The following CORIN variants were observed in gnomAD, a reference collection of about 807,000 sequenced individuals.
CORIN encodes atrial natriuretic peptide-converting enzyme.
In CORIN, 117 loss-of-function variants were observed where a neutral mutation model predicts 125.3. That is an observed-to-expected ratio of 0.93 (90% CI 0.80 to 1.09). The LOEUF (loss-of-function observed/expected upper bound fraction) is 1.09, where lower values mean the gene tolerates loss of function less well. Among genes scored for constraint, CORIN ranks in the 50% least tolerant of loss-of-function variants. The pLI, the probability that CORIN is intolerant of heterozygous loss-of-function variation, is 0.00. For synonymous variants in CORIN, 450 were observed against 466.4 expected (o/e 0.96, Z 0.45); for missense variants, 1,253 against 1,306.7 (o/e 0.96, Z 0.63).
intron 5 of CORIN, among the ~76,000 whole-genome samples, chr4:47,734,180 A>C (rs1220036188): frequency 3.9e-5 from 6 of 152,208 alleles, no homozygotes; most frequent in Non-Finnish European, 7.3e-5. Context: ...AATACCTTGG[A>C]GATTTACTCT....
intron 16 of CORIN, among the ~76,000 whole-genome samples, chr4:47,630,609 T>G (rs1355940995): frequency 1.3e-5 from 2 of 152,076 alleles, no homozygotes; most frequent in Non-Finnish European, 1.5e-5. Flanking sequence ...AGGGCAAGAG[T>G]ACCAGTGGAG....
intron 2 of CORIN, among the ~76,000 whole-genome samples, chr4:47,790,457 C>CT (rs991609595): frequency 5.3e-5 from 8 of 151,862 alleles, no homozygotes; most frequent in African/African-American, 7.3e-5. Flanking sequence ...CCCTGTTTCC[C>CT]TTTTTTTTCC....
chr4:47,823,193 C>A (rs888870668), intron 1 of CORIN, among the ~76,000 whole-genome samples: 2 of 152,210 alleles, frequency 1.3e-5, no homozygotes, highest in African/African-American at 4.8e-5. Context: ...TTGTTACTAT[C>A]ATAATTTACT....
At chr4:47,666,814 C>A (rs1724505567) in intron 10 of CORIN, among the ~76,000 whole-genome samples, 1 of 152,216 alleles carries the variant, frequency 6.6e-6, no homozygotes, top group Non-Finnish European at 1.5e-5. Context: ...GCCTTCAGAA[C>A]TGTGAGAAAT....
chr4:47,594,527 T>C lies in CORIN; in HGVS notation c.*1194A>G. On this transcript the variant is annotated 3_prime_UTR_variant, in exon 22 of 22. Transcript: ENST00000273857. ...TAAAGTGGCCTAGAGCTAAAAATCATTTCTAAAATTTTAATTACCAATGAG... is the reference window on the plus strand; with the variant it reads ...TAAAGTGGCCTAGAGCTAAAAATCACTTCTAAAATTTTAATTACCAATGAG... 6.6e-6 allele frequency: 1 copy of C among 152,486 alleles called. No individual in the cohort carries two copies. Among genetic ancestry groups the C allele is most frequent in the East Asian group, 1.9e-4 (1 of 5,198 alleles). 9.4% of individuals were successfully genotyped at this position (152,486 alleles called of 1,614,324 possible). A position where few individuals can be genotyped will look rare whatever the true frequency, so the allele number is the denominator to read the frequency against.
intron 5 of CORIN, among the ~76,000 whole-genome samples, chr4:47,695,255 G>C (rs1725937220): frequency 6.6e-6 from 1 of 152,160 alleles, no homozygotes; most frequent in African/African-American, 2.4e-5. Context: ...TTTTAAAGGA[G>C]GGTTTATCTT....
At chr4:47,695,376 G>A (rs926056081) in intron 5 of CORIN, among the ~76,000 whole-genome samples, 3 of 152,164 alleles carry the variant, frequency 2.0e-5, no homozygotes, top group African/African-American at 7.2e-5. Context: ...CTATGGCTCC[G>A]ATGATTCCTC....
At chr4:47,627,604 T>G (rs1371014820) in intron 16 of CORIN, among the ~76,000 whole-genome samples, 1 of 152,184 alleles carries the variant, frequency 6.6e-6, no homozygotes, top group Non-Finnish European at 1.5e-5. Context: ...ATTTTTCTTT[T>G]TCTTGGCCAA....
chr4:47,818,164 G>C (rs531483879), intron 1 of CORIN, among the ~76,000 whole-genome samples: 1 of 152,292 alleles, frequency 6.6e-6, no homozygotes, highest in African/African-American at 2.4e-5. Context: ...GAAAAACATA[G>C]TTCAGTCTTA....
chr4:47,669,119 C>T (rs1015841418), intron 10 of CORIN, among the ~76,000 whole-genome samples: 13 of 151,990 alleles, frequency 8.6e-5, no homozygotes, highest in South Asian at 8.3e-4. Context: ...TACAGTGTCC[C>T]GAACACAGAT....
At chr4:47,702,078 C>T (rs1726320021) in intron 5 of CORIN, among the ~76,000 whole-genome samples, 1 of 152,050 alleles carries the variant, frequency 6.6e-6, no homozygotes, top group South Asian at 2.1e-4. Context: ...GGAGGTGCTA[C>T]CTTCCGAATT....
intron 5 of CORIN, among the ~76,000 whole-genome samples, chr4:47,740,242 A>G (rs1324262168): frequency 1.3e-5 from 2 of 151,978 alleles, no homozygotes; most frequent in Non-Finnish European, 2.9e-5. Context: ...CTATGTGTTT[A>G]CACATATTTT....
At chr4:47,644,822 C>T (rs961152629) in intron 14 of CORIN, among the ~76,000 whole-genome samples, 15 of 151,778 alleles carry the variant, frequency 9.9e-5, no homozygotes, top group African/African-American at 2.9e-4. Flanking sequence ...AGTTTATGTT[C>T]CCTATTATTG....
At chr4:47,683,890 T>C (rs748473693) in intron 6 of CORIN, 52 bp from the exon 7 acceptor site, 9 of 1,335,772 alleles carry the variant, frequency 6.7e-6, no homozygotes, top group South Asian at 3.7e-5. Context: ...CAGAATGCTA[T>C]TGTAGTACGA....
intron 2 of CORIN, among the ~76,000 whole-genome samples, chr4:47,796,873 A>C (rs946145549): frequency 6.6e-6 from 1 of 152,004 alleles, no homozygotes; most frequent in Non-Finnish European, 1.5e-5. Context: ...CTCCCTAGGG[A>C]ATCTTCCCTC....
intron 1 of CORIN, among the ~76,000 whole-genome samples, chr4:47,811,124 G>T (rs1044616535): frequency 7.2e-5 from 11 of 152,018 alleles, no homozygotes; most frequent in African/African-American, 2.7e-4. Flanking sequence ...CCTCCTATCT[G>T]GTTTACCTAT....
chr4:47,710,325 T>C (rs142397187), intron 5 of CORIN, among the ~76,000 whole-genome samples: 13 of 152,368 alleles, frequency 8.5e-5, no homozygotes, highest in Non-Finnish European at 1.5e-4. Flanking sequence ...CTTGTGGATA[T>C]TCATTTTGCA....
intron 20 of CORIN, among the ~76,000 whole-genome samples, chr4:47,601,865 G>GT (rs1414946589): frequency 6.6e-6 from 1 of 152,132 alleles, no homozygotes; most frequent in African/African-American, 2.4e-5. Context: ...GAAACTCAAT[G>GT]TAAGTCAAAC....
intron 13 of CORIN, among the ~76,000 whole-genome samples, chr4:47,650,376 T>C (rs1723686202): frequency 6.6e-6 from 1 of 152,256 alleles, no homozygotes; most frequent in African/African-American, 2.4e-5. Flanking sequence ...ACAGTCGATA[T>C]AAAGCACCTG....
Sources: allele counts gnomAD v4.1 joint callset (sites outside exome capture counted in the v4.1 genomes callset), GRCh38; gene constraint gnomAD v4.1.1; transcripts MANE v1.5; gene names NCBI Gene and HGNC (gene_info 2026-07-23, HGNC 2026-07-21).